The following PDE4DIP variants were observed in gnomAD, a reference collection of about 807,000 sequenced individuals.
PDE4DIP encodes myomegalin.
In PDE4DIP, 59 loss-of-function variants were observed where a neutral mutation model predicts 221.4. The ratio of observed to expected loss-of-function variants is 0.27; its 90% confidence interval spans 0.22 to 0.33. The LOEUF is 0.33. PDE4DIP is among the 10% of genes least tolerant of loss of function. The pLI is 1.00. For missense variants in PDE4DIP, 1,036 were observed against 2,154.2 expected (o/e 0.48, Z 10.28); for synonymous variants, 404 against 815.9 (o/e 0.50, Z 8.60).
intron 1 of PDE4DIP, among the ~76,000 whole-genome samples, chr1:148,823,794 A>G (rs1553363168): frequency 6.6e-6 from 1 of 150,492 alleles, no homozygotes; most frequent in Non-Finnish European, 1.5e-5. Context: ...AAGAAAAAAA[A>G]GTGTGCTTGG....
chr1:148,941,593 T>C (rs2050554334), intron 5 of PDE4DIP, among the ~76,000 whole-genome samples: 1 of 101,434 alleles, frequency 9.9e-6, no homozygotes, highest in African/African-American at 3.9e-5. Context: ...AGAGAGCAAA[T>C]CATAATCTGA....
chr1:148,967,714 T>C lies in PDE4DIP; in HGVS notation c.1606-12T>C, dbSNP rs782722010. 19 of 1,519,658 alleles carry C rather than the reference T, an allele frequency of 1.3e-5. No individual in the cohort carries two copies. The highest frequency in any genetic ancestry group is 4.1e-5 in the African/African-American group (3 of 72,994). 94.1% of individuals were successfully genotyped at this position (1,519,658 alleles called of 1,614,324 possible). Reference sequence around the variant, plus strand: ...TCATTTTGACTGATTATTGCTCTCTTTATGGCTGTAGAGTATGGAGAGTCT... The same window carrying C: ...TCATTTTGACTGATTATTGCTCTCTCTATGGCTGTAGAGTATGGAGAGTCT... On this transcript the variant is annotated splice_polypyrimidine_tract_variant and intron_variant, in intron 12 of 43. Transcript: ENST00000369354.
intron 5 of PDE4DIP, chr1:148,953,141 C>G: frequency 6.2e-7 from 1 of 1,614,050 alleles, no homozygotes; most frequent in Non-Finnish European, 8.5e-7. Context: ...GTCCGTCTTA[C>G]CCGATGCGAG....
At position 149,031,987 on chromosome 1, in the gene PDE4DIP, C is replaced by A. The variant is rs782643214; in HGVS notation, c.*2C>A. On this transcript the variant is annotated 3_prime_UTR_variant, in exon 44 of 44. Transcript: ENST00000369354. The stretch of plus-strand genomic sequence containing the variant: ...CTGCCATGTACTCCAGCCTTGTGAC[C>A]CTTGCCTTCCAGGAACCATGCAAGA... The A allele has an allele frequency of 2.5e-6, 4 of 1,609,714 alleles. No homozygotes were observed. In the South Asian group the frequency reaches 4.4e-5, roughly 18 times the overall value.
At chr1:149,025,805 C>G (rs1239424946) in intron 38 of PDE4DIP, 1 of 148,758 alleles carries the variant, frequency 6.7e-6, no homozygotes, top group Admixed American at 6.7e-5. Context: ...TGACAGTAAC[C>G]TTATTTGTCA....
chr1:148,953,939 T>G (rs2054408686), intron 5 of PDE4DIP: 1 of 1,528,952 alleles, frequency 6.5e-7, no homozygotes, highest in East Asian at 2.2e-5. Context: ...CCTTTCTGAT[T>G]ATAGCTAGCT....
intron 5 of PDE4DIP, among the ~76,000 whole-genome samples, chr1:148,949,494 T>C (rs1325148332): frequency 1.5e-4 from 23 of 151,678 alleles, no homozygotes; most frequent in Non-Finnish European, 2.7e-4. Flanking sequence ...AAATCTAAAA[T>C]TAATACCTGA....
chr1:149,028,850 A>C (rs2075921279), intron 41 of PDE4DIP, 147 bp downstream of exon 44: 2 of 620,332 alleles, frequency 3.2e-6, no homozygotes, highest in Non-Finnish European at 5.7e-6. Flanking sequence ...GTGTCCCTGG[A>C]GGGACATCTC....
chr1:148,893,101 G>A (rs1241149098), intron 1 of PDE4DIP, among the ~76,000 whole-genome samples: 2,722 of 109,724 alleles, frequency 0.025, no homozygotes, highest in African/African-American at 0.039. Flanking sequence ...GTGTGTGTGT[G>A]TATGTATTTT....
intron 43 of PDE4DIP, chr1:149,030,796 A>G (rs1553636448): frequency 3.0e-6 from 3 of 983,908 alleles, no homozygotes; most frequent in East Asian, 1.1e-4. Context: ...GTTGGGTCTC[A>G]TTGGTCTAAA....
intron 5 of PDE4DIP, chr1:148,952,474 CGGGAGAGACAGCTG>C (rs1174947726): frequency 2.8e-6 from 3 of 1,076,834 alleles, no homozygotes; most frequent in Non-Finnish European, 2.3e-6. Flanking sequence ...CGGCGGCTGG[CGGGAGAGACAGCTG>C]GGGAGAGACA....
intron 1 of PDE4DIP, among the ~76,000 whole-genome samples, chr1:148,924,319 A>G (rs1216385864): frequency 6.6e-6 from 1 of 152,188 alleles, no homozygotes; most frequent in African/African-American, 2.4e-5. Flanking sequence ...TTAGGCTAGC[A>G]GATAATAATG....
chr1:148,860,108 A>G, intron 1 of PDE4DIP, among the ~76,000 whole-genome samples: 1 of 14,962 alleles, frequency 6.7e-5, no homozygotes, highest in South Asian at 1.5e-3. Context: ...CACTGCGAGT[A>G]TGCTTATTAA....
chr1:148,879,283 T>TCTCCA, intron 3 of PDE4DIP, among the ~76,000 whole-genome samples: 1 of 128,228 alleles, frequency 7.8e-6, no homozygotes, highest in Admixed American at 7.9e-5. Context: ...AATGGCGTGA[T>TCTCCA]CTCCACTCAC....
At chr1:148,985,625 G>A (rs1553548760) in intron 21 of PDE4DIP, 1 of 152,024 alleles carries the variant, frequency 6.6e-6, no homozygotes, top group South Asian at 2.1e-4. Context: ...ACAAAACTGT[G>A]GTCCTGACAA....
chr1:148,829,017 A>AACACACACACACAC (rs5777522), intron 1 of PDE4DIP, among the ~76,000 whole-genome samples: 16 of 143,462 alleles, frequency 1.1e-4, no homozygotes, highest in African/African-American at 3.8e-4. Context: ...TTCCTGCATA[A>AACACACACACACAC]ACACACACAC....
At chr1:148,828,056 G>A (rs368130017) in intron 1 of PDE4DIP, among the ~76,000 whole-genome samples, 6 of 4,972 alleles carry the variant, frequency 1.2e-3, no homozygotes, top group Middle Eastern at 0.036. Context: ...CCAGGCTGGA[G>A]TGCAGTGGTG....
intron 1 of PDE4DIP, among the ~76,000 whole-genome samples, chr1:148,917,964 AT>A (rs1467183312): frequency 9.4e-5 from 14 of 149,136 alleles, no homozygotes; most frequent in African/African-American, 3.2e-4. Flanking sequence ...CTGTAAAAAA[AT>A]GATTGAATAT....
chr1:148,902,722 A>ATG (rs2040908767), intron 1 of PDE4DIP, among the ~76,000 whole-genome samples: 1 of 23,628 alleles, frequency 4.2e-5, no homozygotes, highest in South Asian at 1.1e-3. Flanking sequence ...TCTATCATAT[A>ATG]TATATATATA....
Sources: gnomAD v4.1 joint callset for allele counts (sites outside exome capture counted in the v4.1 genomes callset) on GRCh38, gnomAD v4.1.1 for gene constraint, MANE v1.5 for transcripts, NCBI Gene and HGNC (gene_info 2026-07-23, HGNC 2026-07-21) for gene names.